ZNF84: variants seen among roughly 807,000 people sequenced by gnomAD.
ZNF84 encodes the protein zinc finger protein 84.
Under a neutral mutation model 14.8 loss-of-function variants are expected in ZNF84, and 12 were observed. The ratio of observed to expected loss-of-function variants is 0.81; its 90% CI spans 0.52 to 1.31. ZNF84 has a LOEUF of 1.31. Among genes scored for constraint, ZNF84 ranks in the 50% most tolerant of loss-of-function variants. The probability of loss-of-function intolerance (pLI) is 0.00; values close to 1 mark genes in which losing one functional copy is unlikely to be tolerated. For synonymous variants in ZNF84, 347 were observed against 291.1 expected (o/e 1.19, Z -1.96); for missense variants, 859 against 878.6 (o/e 0.98, Z 0.28).
At chr12:133,048,894 TG>T in intron 4 of ZNF84, 46 bp downstream of exon 4, 1 of 1,511,700 alleles carries the variant, frequency 6.6e-7, no homozygotes, top group South Asian at 1.1e-5. Flanking sequence ...AGAAGCCCCA[TG>T]TCATCTGGTC....
At chr12:133,050,524 G>A (rs1484240222) in intron 4 of ZNF84, 3 of 398,418 alleles carry the variant, frequency 7.5e-6, no homozygotes, top group Non-Finnish European at 1.3e-5. Context: ...CTGCTTTCAG[G>A]GACCTCCATA....
intron 4 of ZNF84, among the ~76,000 whole-genome samples, chr12:133,051,633 C>T (rs1014340965): frequency 1.3e-5 from 2 of 152,110 alleles, no homozygotes; most frequent in South Asian, 2.1e-4. Flanking sequence ...AATATAGTAA[C>T]ACATGTGTTT....
chr12:133,046,551 T>G (rs1953982615), intron 2 of ZNF84, among the ~76,000 whole-genome samples: 1 of 151,976 alleles, frequency 6.6e-6, no homozygotes, highest in Non-Finnish European at 1.5e-5. Flanking sequence ...CTCTCCTTTA[T>G]TTCTTAGTTA....
In ZNF84 at chr12:133,058,186, G is replaced by A; in HGVS notation, c.1471G>A (p.Glu491Lys). The A allele has an allele frequency of 6.2e-7, 1 of 1,614,054 alleles. No individual in the cohort carries two copies. The highest frequency in any genetic ancestry group is 8.5e-7 in the Non-Finnish European group (1 of 1,180,002). The change falls in exon 5 of 5, where the codon GAG becomes AAG. Residue 491 changes from glutamate to lysine, a missense_variant. Transcript: ENST00000539354. ...GGGAGAAAAACCGTATGAATGCAGTGAGTGTGGGAAAGCTTTCAGTGAAAA... is the reference window on the plus strand; with the variant it reads ...GGGAGAAAAACCGTATGAATGCAGTAAGTGTGGGAAAGCTTTCAGTGAAAA... ...HTGEKPYECS[E>K]CGKAFSEKLS...
intron 1 of ZNF84, among the ~76,000 whole-genome samples, chr12:133,039,852 A>AT (rs55688719): frequency 0.2 from 28,339 of 142,328 alleles, 3,283 homozygotes; most frequent in Non-Finnish European, 0.28. Context: ...GTTGGTTTGG[A>AT]TTTTTTTTTT....
At chr12:133,042,496 A>C (rs1953903990) in intron 2 of ZNF84, among the ~76,000 whole-genome samples, 1 of 152,200 alleles carries the variant, frequency 6.6e-6, no homozygotes. Flanking sequence ...TACTGTACCT[A>C]ATTCATAAAC....
intron 4 of ZNF84, among the ~76,000 whole-genome samples, chr12:133,051,090 GTTTGT>G (rs1255449770): frequency 6.9e-6 from 1 of 145,128 alleles, no homozygotes; most frequent in African/African-American, 2.6e-5. Flanking sequence ...CCTGTGTTTT[GTTTGT>G]TTTGTTTTGT....
chr12:133,039,469 A>C (rs1005319593), intron 1 of ZNF84, among the ~76,000 whole-genome samples: 1 of 152,180 alleles, frequency 6.6e-6, no homozygotes, highest in South Asian at 2.1e-4. Context: ...TTAACATTTG[A>C]ATTTTGCTAC....
rs1221863285 is a variant in ZNF84, at chr12:133,057,189, T to C, written c.474T>C (p.Phe158=). The C allele has an allele frequency of 1.5e-5, 24 of 1,612,696 alleles. No homozygotes were observed. The highest frequency in any genetic ancestry group is 2.0e-5 in the Non-Finnish European group (24 of 1,179,742). The change falls in exon 5 of 5, where the codon TTT becomes TTC. Residue 158 remains phenylalanine, a synonymous_variant. Coordinates refer to ENST00000539354, the MANE Select transcript of ZNF84 (RefSeq NM_001289971.2). The stretch of plus-strand genomic sequence containing the variant: ...ATGGAAAAGCAGAATCAGATGACTT[T>C]AATGTGTTTGATAATTTTTTTCTCC... ...GDYGKAESDD[F]NVFDNFFLHS...
chr12:133,059,244 A>G lies in ZNF84; in HGVS notation c.*312A>G. On this transcript the variant is annotated 3_prime_UTR_variant, in exon 5 of 5. Transcript: ENST00000539354. Reference sequence around the variant, plus strand: ...CTCTTAAGCTATTAGAAATATTCCCACTGGGGATGAGGGAAAACCCCATGA... The same window carrying G: ...CTCTTAAGCTATTAGAAATATTCCCGCTGGGGATGAGGGAAAACCCCATGA... The G allele has an allele frequency of 2.5e-6, 1 of 398,148 alleles. No homozygotes were observed. Among genetic ancestry groups the G allele is most frequent in the Admixed American group, 4.1e-5 (1 of 24,478 alleles). The allele number at this position is 398,148 out of a possible 1,614,324, so 24.7% of individuals were successfully genotyped here. A position where few individuals can be genotyped will look rare whatever the true frequency, so the allele number is the denominator to read the frequency against.
In ZNF84 at chr12:133,062,594, A is replaced by G. The variant is rs1465532052; in HGVS notation, c.*3662A>G. ...AACCAACCATAACCCTTGCAGATGC[A>G]TGCATGTTTTCTGCACCTTGCTATC... On this transcript the variant is annotated 3_prime_UTR_variant, in exon 5 of 5. Transcript: ENST00000539354. The G allele has an allele frequency of 6.0e-6, 1 of 166,402 alleles. No homozygotes were observed. Among genetic ancestry groups the G allele is most frequent in the Non-Finnish European group, 1.3e-5 (1 of 75,702 alleles). 10.3% of individuals were successfully genotyped at this position (166,402 alleles called of 1,614,324 possible).
chr12:133,048,201 C>T (rs1169728961), intron 3 of ZNF84, 120 bp downstream of exon 3: 1 of 949,786 alleles, frequency 1.1e-6, no homozygotes, highest in Non-Finnish European at 1.6e-6. Context: ...GATTTTAGAC[C>T]TGAAACTTAG....
chr12:133,041,765 A>G (rs1166237414), intron 2 of ZNF84, among the ~76,000 whole-genome samples: 1 of 152,346 alleles, frequency 6.6e-6, no homozygotes, highest in African/African-American at 2.4e-5. Flanking sequence ...TAATAGAGAA[A>G]TGTGAGCTTT....
chr12:133,059,028 T>C lies in ZNF84; in HGVS notation c.*96T>C. The C allele has an allele frequency of 8.7e-7, 1 of 1,147,074 alleles. No homozygotes were observed. Among genetic ancestry groups the C allele is most frequent in the Non-Finnish European group, 1.2e-6 (1 of 812,468 alleles). 71.1% of individuals were successfully genotyped at this position (1,147,074 alleles called of 1,614,324 possible). A position where few individuals can be genotyped will look rare whatever the true frequency, so the allele number is the denominator to read the frequency against. On this transcript the variant is annotated 3_prime_UTR_variant, in exon 5 of 5. Transcript: ENST00000539354. ...AGACAGTCACGTCATGTTAGGTGTT[T>C]GTACTCCATGAGGATGAGAACTCTA...
intron 4 of ZNF84, among the ~76,000 whole-genome samples, chr12:133,055,374 A>T (rs765667302): frequency 6.6e-6 from 1 of 152,178 alleles, no homozygotes; most frequent in African/African-American, 2.4e-5. Flanking sequence ...AATAGTTGTT[A>T]TAAACTGCTT....
In ZNF84 at chr12:133,048,744, C is replaced by T. The variant is rs1045352248; in HGVS notation, c.143-9C>T. Reference sequence around the variant, plus strand: ...GGGCCCAAGGCCTTTGTGATTTTTCCCTTAACAGGGTATGAAGTTATGAAA... The same window carrying T: ...GGGCCCAAGGCCTTTGTGATTTTTCTCTTAACAGGGTATGAAGTTATGAAA... On this transcript the variant is annotated splice_polypyrimidine_tract_variant and intron_variant, in intron 3 of 4. Coordinates refer to ENST00000539354, the MANE Select transcript of ZNF84 (RefSeq NM_001289971.2). The T allele has an allele frequency of 6.3e-5, 102 of 1,612,248 alleles. No homozygotes were observed. The highest frequency in any genetic ancestry group is 8.2e-5 in the Non-Finnish European group (97 of 1,178,858).
intron 2 of ZNF84, among the ~76,000 whole-genome samples, chr12:133,046,855 TATATG>T (rs1953986975): frequency 7.1e-6 from 1 of 140,860 alleles, no homozygotes; most frequent in African/African-American, 2.7e-5. Flanking sequence ...ATATTATATA[TATATG>T]ATATTTATAT....
At chr12:133,048,714 C>A (rs1954025568) in intron 3 of ZNF84, 39 bp from the exon 4 acceptor site, 1 of 1,539,894 alleles carries the variant, frequency 6.5e-7, no homozygotes, top group Non-Finnish European at 9.0e-7. Context: ...AAACCCCAAG[C>A]AGTTGGGCCC....
chr12:133,058,489 A>G lies in ZNF84; in HGVS notation c.1774A>G (p.Ile592Val). ...ATCACAGCTAAATACCCATCAGAGA[A>G]TTCACACTGGAGAGAAACCCTATGA... ...QKSQLNTHQR[I>V]HTGEKPYECS... The change falls in exon 5 of 5, where the codon ATT (isoleucine) becomes GTT (valine). Residue 592 changes from isoleucine (I) to valine (V), a missense_variant. Transcript: ENST00000539354. 1 of 1,614,214 alleles carries G rather than the reference A, an allele frequency of 6.2e-7. No homozygotes were observed. Among genetic ancestry groups the G allele is most frequent in the South Asian group, 1.1e-5 (1 of 91,086 alleles).
Sources: gnomAD v4.1 joint callset for allele counts (sites outside exome capture counted in the v4.1 genomes callset) on GRCh38, gnomAD v4.1.1 for gene constraint, MANE v1.5 for transcripts, NCBI Gene and HGNC (gene_info 2026-07-23, HGNC 2026-07-21) for gene names.